Variants in TSC22D1 observed in about 807,000 individuals in gnomAD.
TSC22D1 encodes the protein TSC22 domain family protein 1.
TSC22D1 carries 9 observed loss-of-function variants against 74.2 expected under a neutral mutation model. The observed-to-expected ratio is 0.12, with a 90% CI of 0.07 to 0.21. The LOEUF (loss-of-function observed/expected upper bound fraction) is 0.21. TSC22D1 is among the 10% of genes least tolerant of loss of function. The pLI is 1.00. For synonymous variants in TSC22D1, 586 were observed against 492.5 expected (o/e 1.19, Z -2.51); for missense variants, 1,427 against 1,304.7 (o/e 1.09, Z -1.44).
At chr13:44,440,885 C>T (rs1875141783) in intron 1 of TSC22D1, among the ~76,000 whole-genome samples, 1 of 152,092 alleles carries the variant, frequency 6.6e-6, no homozygotes, top group South Asian at 2.1e-4. Context: ...AAGTTACAAA[C>T]ACAGGGACTA....
At position 44,574,145 on chromosome 13, in the gene TSC22D1, G is replaced by C. The variant is rs1884005113; in HGVS notation, c.1930C>G (p.His644Asp). The C allele has an allele frequency of 1.9e-6, 3 of 1,614,118 alleles. No individual in the cohort carries two copies. The highest frequency in any genetic ancestry group is 2.7e-5 in the African/African-American group (2 of 74,952). Residue 644 changes from histidine (H) to aspartate (D), a missense_variant, in exon 1 of 3, where the codon CAT becomes GAT. By Grantham distance (81) the His-to-Asp change is moderately conservative. Around this residue, in one of 3 missense-constraint regions of TSC22D1, gnomAD observed 1,343 missense variants for 1,191.5 expected, o/e 1.13. Coordinates refer to ENST00000458659, the MANE Select transcript of TSC22D1 (RefSeq NM_183422.4). ...PMVSTQMAPGHVKSVTQNPAS... is the reference protein window; with the variant it reads ...PMVSTQMAPGDVKSVTQNPAS... ...GGATTTTGAGTCACTGATTTGACAT[G>C]GCCTGGGGCCATCTGTGTAGAAACC...
Position 44,573,325 on chromosome 13 carries a change from G to A in TSC22D1, c.2750C>T (p.Ala917Val), listed in dbSNP as rs1223130277. ...AGGTAAGCCAACTAAGGAGGGCTCCGCTGCACGCCTGGCATCTTCAATTTG... is the reference window on the plus strand; with the variant it reads ...AGGTAAGCCAACTAAGGAGGGCTCCACTGCACGCCTGGCATCTTCAATTTG... ...GSQIEDARRA[A>V]EPSLVGLPQT... The change falls in exon 1 of 3, where the codon GCG becomes GTG. Residue 917 changes from alanine to valine, a missense_variant. Ala to Val is a moderately conservative substitution (Grantham distance 64). Around this residue, in one of 3 missense-constraint regions of TSC22D1, gnomAD observed 1,343 missense variants for 1,191.5 expected, o/e 1.13. Coordinates refer to ENST00000458659, the MANE Select transcript of TSC22D1 (RefSeq NM_183422.4). The A allele has an allele frequency of 6.2e-7, 1 of 1,614,246 alleles. No homozygotes were observed. The highest frequency in any genetic ancestry group is 1.1e-5 in the South Asian group (1 of 91,090).
chr13:44,490,693 T>G (rs950594613), intron 1 of TSC22D1, among the ~76,000 whole-genome samples: 1 of 151,596 alleles, frequency 6.6e-6, no homozygotes, highest in Non-Finnish European at 1.5e-5. Context: ...AGGTCGGGAG[T>G]TCGAGACCAG....
intron 1 of TSC22D1, among the ~76,000 whole-genome samples, chr13:44,543,657 G>A (rs750128393): frequency 6.6e-6 from 1 of 152,148 alleles, no homozygotes; most frequent in South Asian, 2.1e-4. Context: ...CTTGGCACAC[G>A]GAATAGGTAA....
chr13:44,470,089 T>C (rs1280869656), intron 1 of TSC22D1, among the ~76,000 whole-genome samples: 1 of 152,192 alleles, frequency 6.6e-6, no homozygotes, highest in African/African-American at 2.4e-5. Context: ...CCCCTTAAGG[T>C]AGGGCTCAAC....
intron 1 of TSC22D1, among the ~76,000 whole-genome samples, chr13:44,529,057 GC>G (rs1880694667): frequency 6.6e-6 from 1 of 152,020 alleles, no homozygotes; most frequent in Non-Finnish European, 1.5e-5. Context: ...TCTTTAGAAA[GC>G]AGAAACAGTA....
Position 44,573,696 on chromosome 13 carries a change from T to C in TSC22D1, c.2379A>G (p.Gln793=), listed in dbSNP as rs146757458. ...GGGGAGGCACAGTTAACAAGGAACT[T>C]TGGGATGCAATAACCAATTGTTGAG... The part of the protein sequence containing the change: ...SLPQQLVIAS[Q]SSLLTVPPQP... Residue 793 remains glutamine (Q), a synonymous_variant, in exon 1 of 3, where the codon CAA becomes CAG. Coordinates refer to ENST00000458659, the MANE Select transcript of TSC22D1 (RefSeq NM_183422.4). The C allele has an allele frequency of 2.5e-4, 404 of 1,614,220 alleles. 2 individuals are homozygous for C. In the Middle Eastern group the frequency reaches 3.3e-3, roughly 13 times the overall value.
chr13:44,537,710 A>C (rs1439037687), intron 1 of TSC22D1: 2 of 984,684 alleles, frequency 2.0e-6, no homozygotes. Flanking sequence ...TCTCTGGGGA[A>C]ATTTCAGTTC....
intron 1 of TSC22D1, among the ~76,000 whole-genome samples, chr13:44,553,400 T>C (rs1162963273): frequency 1.3e-5 from 2 of 152,212 alleles, no homozygotes; most frequent in Admixed American, 6.5e-5. Context: ...TTTGAAACTT[T>C]ATAGATTTCA....
chr13:44,472,861 T>C (rs1028324395), intron 1 of TSC22D1, among the ~76,000 whole-genome samples: 1 of 152,206 alleles, frequency 6.6e-6, no homozygotes, highest in African/African-American at 2.4e-5. Context: ...GCTCCACATC[T>C]AATTGTACAA....
intron 1 of TSC22D1, among the ~76,000 whole-genome samples, chr13:44,447,833 C>T (rs201346480): frequency 7.7e-3 from 996 of 129,072 alleles, no homozygotes; most frequent in East Asian, 0.011. Context: ...AATGCCTTTT[C>T]TTTTTTTTTT....
intron 1 of TSC22D1, among the ~76,000 whole-genome samples, chr13:44,470,719 A>C (rs573404716): frequency 6.6e-5 from 10 of 152,292 alleles, no homozygotes; most frequent in Admixed American, 3.9e-4. Flanking sequence ...TTTGCTATTT[A>C]ATTTTGCAGG....
rs1481742373 is a variant in TSC22D1 at position 44,433,970 on chromosome 13, T to A, written c.*656A>T. 5.2e-6 allele frequency: 8 copies of A among 1,533,188 alleles called. No individual in the cohort carries two copies. The highest frequency in any genetic ancestry group is 1.4e-5 in the African/African-American group (1 of 72,824). 95.0% of individuals were successfully genotyped at this position (1,533,188 alleles called of 1,614,324 possible). On this transcript the variant is annotated 3_prime_UTR_variant, in exon 3 of 3. Coordinates refer to ENST00000458659, the MANE Select transcript of TSC22D1 (RefSeq NM_183422.4). ...TATTGTACAAAATAGTTACACTACATACACAAATATACAATAAGCAAAACA... is the reference window on the plus strand; with the variant it reads ...TATTGTACAAAATAGTTACACTACAAACACAAATATACAATAAGCAAAACA...
chr13:44,562,972 G>A (rs1378918074), intron 1 of TSC22D1, among the ~76,000 whole-genome samples: 2 of 152,032 alleles, frequency 1.3e-5, no homozygotes, highest in African/African-American at 4.8e-5. Flanking sequence ...GATCATGGTG[G>A]TGCATTCCTG....
Position 44,487,498 on chromosome 13 carries a change from C to CA in TSC22D1, c.2913-51404dup, listed in dbSNP as rs61034237. Among the ~76,000 whole-genome samples the CA allele has an allele frequency of 8.5e-3, 199 of 23,464 alleles. 31 individuals carry two copies. Among genetic ancestry groups the CA allele is most frequent in the African/African-American group, 0.037 (171 of 4,606 alleles). The allele number at this position is 23,464 out of a possible 152,430, so 15.4% of individuals were successfully genotyped here. A position where few individuals can be genotyped will look rare whatever the true frequency, so the allele number is the denominator to read the frequency against. ...TGGGCAACAGAGCAAGACTCCATCT[C>CA]AAAAAAAAAAAAAAAAAAAAAAAAA... On this transcript the variant is annotated intron_variant, in intron 1 of 2. Transcript: ENST00000458659.
chr13:44,517,829 GTATATATATATATA>G (rs1555269397), intron 1 of TSC22D1, among the ~76,000 whole-genome samples: 1 of 14,128 alleles, frequency 7.1e-5, no homozygotes, highest in African/African-American at 1.8e-4. Flanking sequence ...GTGTGTGTGT[GTATATATATATATA>G]TATATATATA....
chr13:44,445,241 A>T (rs1875542283), intron 1 of TSC22D1, among the ~76,000 whole-genome samples: 1 of 99,300 alleles, frequency 1.0e-5, no homozygotes, highest in African/African-American at 3.7e-5. Context: ...ACACACACAC[A>T]CACACACACA....
At chr13:44,454,777 G>A (rs1216087157) in intron 1 of TSC22D1, among the ~76,000 whole-genome samples, 2 of 152,112 alleles carry the variant, frequency 1.3e-5, no homozygotes, top group Non-Finnish European at 2.9e-5. Flanking sequence ...AAACCAAGGC[G>A]CAAAGGAGTT....
intron 1 of TSC22D1, among the ~76,000 whole-genome samples, chr13:44,447,432 T>C (rs535094312): frequency 6.6e-6 from 1 of 152,234 alleles, no homozygotes; most frequent in Admixed American, 6.5e-5. Context: ...TATCATTATA[T>C]AAAATGCATT....
Sources: gnomAD v4.1 joint callset for allele counts (sites outside exome capture counted in the v4.1 genomes callset) on GRCh38, gnomAD v4.1.1 for gene constraint, gnomAD v4.1.1 regional missense constraint, MANE v1.5 for transcripts, NCBI Gene and HGNC (gene_info 2026-07-23, HGNC 2026-07-21) for gene names.